LLGL2: variants seen among roughly 807,000 people sequenced by gnomAD.
LLGL2 encodes LLGL scribble cell polarity complex component 2.
LLGL2 carries 81 observed loss-of-function variants against 123.2 expected under a neutral mutation model. That is an observed-to-expected ratio of 0.66 (90% CI 0.55 to 0.79). The LOEUF (loss-of-function observed/expected upper bound fraction) is 0.79. Ranked by LOEUF, LLGL2 falls within the 30% of genes least tolerant of loss-of-function variation. The pLI is 0.00. For synonymous variants in LLGL2, 577 were observed against 594.1 expected (o/e 0.97, Z 0.42); for missense variants, 1,273 against 1,414.6 (o/e 0.90, Z 1.61).
intron 10 of LLGL2, 189 bp from the exon 11 acceptor site, chr17:75,568,287 T>G: frequency 7.0e-7 from 1 of 1,432,380 alleles, no homozygotes; most frequent in South Asian, 1.5e-5. Context: ...TCAGCAGCCT[T>G]GCATGCAGAG....
intron 1 of LLGL2, among the ~76,000 whole-genome samples, chr17:75,530,682 G>A (rs1598498082): frequency 6.6e-6 from 1 of 151,892 alleles, no homozygotes; most frequent in Non-Finnish European, 1.5e-5. Flanking sequence ...TGGGCATCGT[G>A]GTGTGCACCT....
Position 75,544,843 on chromosome 17 carries a change from A to C in LLGL2, c.75+1342A>C, listed in dbSNP as rs565893403. On this transcript the variant is annotated intron_variant, in intron 2 of 25. Coordinates refer to ENST00000392550, the MANE Select transcript of LLGL2 (RefSeq NM_001031803.2). The surrounding 1 kb of genome is among the most constrained non-coding windows in gnomAD (Gnocchi z 4.2). The stretch of plus-strand genomic sequence containing the variant: ...TGCCACGAGGACATTTGCCTCTGGA[A>C]TTAGGGCTTTCCTATCCCAACGTGC... Among the ~76,000 whole-genome samples, 1 of 152,198 alleles carries C rather than the reference A, an allele frequency of 6.6e-6. No individual in the cohort carries two copies. Among genetic ancestry groups the C allele is most frequent in the East Asian group, 1.9e-4 (1 of 5,180 alleles).
rs1598649721 is a variant in LLGL2 at position 75,574,959 on chromosome 17, C to G, written c.*81C>G. On this transcript the variant is annotated 3_prime_UTR_variant, in exon 26 of 26. Coordinates refer to ENST00000392550, the MANE Select transcript of LLGL2 (RefSeq NM_001031803.2). Reference sequence around the variant, plus strand: ...GGGGTCCCTGCCCCAACCGGAGAGGCCGGTGCACAGGGCCCCGCCAGGGGC... The same window carrying G: ...GGGGTCCCTGCCCCAACCGGAGAGGGCGGTGCACAGGGCCCCGCCAGGGGC... 1.4e-5 allele frequency: 23 copies of G among 1,602,014 alleles called. No homozygotes were observed. The highest frequency in any genetic ancestry group is 1.7e-5 in the Non-Finnish European group (20 of 1,169,796).
At chr17:75,567,721 C>A (rs1320611408) in intron 10 of LLGL2, among the ~76,000 whole-genome samples, 1 of 151,946 alleles carries the variant, frequency 6.6e-6, no homozygotes, top group Non-Finnish European at 1.5e-5. Flanking sequence ...GTGGGAAGAT[C>A]ACTTGAGCCC....
At chr17:75,534,708 T>G (rs961354932) in intron 1 of LLGL2, among the ~76,000 whole-genome samples, 6 of 152,134 alleles carry the variant, frequency 3.9e-5, no homozygotes, top group African/African-American at 1.4e-4. Flanking sequence ...CTCGAACTCC[T>G]AGGTTCAGTG....
In LLGL2 at chr17:75,559,136, T is replaced by C. The variant is rs1220807856; in HGVS notation, c.372-116T>C. 3.7e-6 allele frequency: 4 copies of C among 1,090,844 alleles called. No individual in the cohort carries two copies. The African/African-American group carries it at 6.4e-5, about 17-fold the overall frequency. The allele number at this position is 1,090,844 out of a possible 1,614,324, so 67.6% of individuals were successfully genotyped here. A position where few individuals can be genotyped will look rare whatever the true frequency, so the allele number is the denominator to read the frequency against. On this transcript the variant is annotated intron_variant, in intron 5 of 25. Coordinates refer to ENST00000392550, the MANE Select transcript of LLGL2 (RefSeq NM_001031803.2). The surrounding 1 kb of genome is among the most constrained non-coding windows in gnomAD (Gnocchi z 4.6). ...CCAATGTTTGTCCTGGCTTGAAATGTTATGACCTCATTAAAGGGCCTTATG... is the reference window on the plus strand; with the variant it reads ...CCAATGTTTGTCCTGGCTTGAAATGCTATGACCTCATTAAAGGGCCTTATG...
intron 1 of LLGL2, among the ~76,000 whole-genome samples, chr17:75,540,930 G>A (rs1299596017): frequency 1.3e-5 from 2 of 152,160 alleles, no homozygotes; most frequent in East Asian, 1.9e-4. Flanking sequence ...TGGGGTTTAG[G>A]GAGGATTTTC....
chr17:75,554,717 G>A (rs545314933), intron 2 of LLGL2, among the ~76,000 whole-genome samples: 47 of 149,300 alleles, frequency 3.1e-4, no homozygotes, highest in African/African-American at 1.1e-3. Flanking sequence ...GTGAAACCCC[G>A]TCTCTACTAA....
chr17:75,574,097 G>C, intron 22 of LLGL2, 116 bp from the exon 23 acceptor site: 1 of 1,546,702 alleles, frequency 6.5e-7, no homozygotes, highest in Non-Finnish European at 8.7e-7. Context: ...GAATAGAGAC[G>C]GCATTCCTTC....
At chr17:75,570,896 G>T in intron 16 of LLGL2, 54 bp from the exon 17 acceptor site, 2 of 1,545,754 alleles carry the variant, frequency 1.3e-6, no homozygotes, top group Non-Finnish European at 1.7e-6. Context: ...GCGAAGCACT[G>T]TTCCTGGGGA....
At chr17:75,529,050 G>C (rs546284108) in intron 1 of LLGL2, among the ~76,000 whole-genome samples, 102 of 151,860 alleles carry the variant, frequency 6.7e-4, no homozygotes, top group African/African-American at 2.4e-3. Context: ...CAGCTACTCA[G>C]GAGGCTGAGG....
intron 3 of LLGL2, chr17:75,557,663 A>G: frequency 3.5e-6 from 1 of 287,684 alleles, no homozygotes; most frequent in South Asian, 3.2e-5. Flanking sequence ...TGGTGTACAC[A>G]GGGGGCCAGG....
chr17:75,557,511 C>G (rs1217973940), intron 3 of LLGL2, among the ~76,000 whole-genome samples: 1 of 152,252 alleles, frequency 6.6e-6, no homozygotes, highest in African/African-American at 2.4e-5. Flanking sequence ...CTGTGCTCCC[C>G]TCAGGGCAGG....
At chr17:75,541,061 G>C (rs1189279880) in intron 1 of LLGL2, among the ~76,000 whole-genome samples, 1 of 152,218 alleles carries the variant, frequency 6.6e-6, no homozygotes, top group Non-Finnish European at 1.5e-5. Flanking sequence ...GCCCCAGGGA[G>C]CATTTGGGTG....
chr17:75,530,410 G>A lies in LLGL2; in HGVS notation c.-31+4585G>A, dbSNP rs149085980. Among the ~76,000 whole-genome samples, 260 of 152,264 alleles carry A rather than the reference G, an allele frequency of 1.7e-3. 4 individuals are homozygous for A. The East Asian group carries it at 0.046, about 27-fold the overall frequency. On this transcript the variant is annotated intron_variant, in intron 1 of 25. Coordinates refer to ENST00000392550, the MANE Select transcript of LLGL2 (RefSeq NM_001031803.2). The stretch of plus-strand genomic sequence containing the variant: ...TCACGCCTGTAATTCCAGCACTTTG[G>A]GAGGCCGAGGCAGGCGGATCACGAG...
intron 13 of LLGL2, 44 bp from the exon 14 acceptor site, chr17:75,569,177 G>A (rs2055580599): frequency 1.9e-6 from 3 of 1,612,574 alleles, no homozygotes; most frequent in African/African-American, 2.7e-5. Context: ...GGCCAGCTGG[G>A]TCCTGTCCCC....
chr17:75,556,871 T>C (rs1317148987), intron 3 of LLGL2, among the ~76,000 whole-genome samples: 1 of 152,024 alleles, frequency 6.6e-6, no homozygotes, highest in East Asian at 1.9e-4. Flanking sequence ...ACTAAAAATA[T>C]TTTAAAAGTT....
chr17:75,551,947 G>A (rs187034064), intron 2 of LLGL2, among the ~76,000 whole-genome samples: 1 of 152,286 alleles, frequency 6.6e-6, no homozygotes, highest in East Asian at 1.9e-4. Context: ...TGGCCAACAT[G>A]GTGAAACCCC....
Position 75,571,723 on chromosome 17 carries a change from T to C in LLGL2, c.2233T>C (p.Phe745Leu), listed in dbSNP as rs2055717325. Reference sequence around the variant, plus strand: ...CACCAATGGGGGCACCATCTATGCCTTCTCCCTGCGTGTGCCTCCCGCCGA... The same window carrying C: ...CACCAATGGGGGCACCATCTATGCCCTCTCCCTGCGTGTGCCTCCCGCCGA... ...AGTNGGTIYAFSLRVPPAERR... is the reference protein window; with the variant it reads ...AGTNGGTIYALSLRVPPAERR... The change falls in exon 18 of 26, where the codon TTC becomes CTC. Residue 745 changes from phenylalanine to leucine, a missense_variant. Transcript: ENST00000392550. 1 of 1,609,726 alleles carries C rather than the reference T, an allele frequency of 6.2e-7. No homozygotes were observed. The highest frequency in any genetic ancestry group is 2.2e-5 in the East Asian group (1 of 44,880).
Sources: allele counts gnomAD v4.1 joint callset (sites outside exome capture counted in the v4.1 genomes callset), GRCh38; gene constraint gnomAD v4.1.1; non-coding constraint Gnocchi (gnomAD v3.1); transcripts MANE v1.5; gene names NCBI Gene and HGNC (gene_info 2026-07-23, HGNC 2026-07-21).